CACNA1B: variants seen among roughly 807,000 people sequenced by gnomAD.
CACNA1B encodes voltage-dependent N-type calcium channel subunit alpha-1B.
A neutral mutation model predicts 247.2 loss-of-function variants in CACNA1B; 70 were observed. The observed-to-expected ratio is 0.28, with a 90% CI of 0.23 to 0.35. The LOEUF (loss-of-function observed/expected upper bound fraction) is 0.35, where lower values mean the gene tolerates loss of function less well. CACNA1B is among the 10% of genes least tolerant of loss of function. The probability of loss-of-function intolerance (pLI) is 1.00; values close to 1 mark genes in which losing one functional copy is unlikely to be tolerated. For synonymous variants in CACNA1B, 1,231 were observed against 1,294.4 expected, an observed-to-expected ratio of 0.95 and a Z score of 1.05; for missense variants, 2,367 against 3,197.4, an observed-to-expected ratio of 0.74 and a Z score of 6.26.
intron 10 of CACNA1B, among the ~76,000 whole-genome samples, chr9:137,968,666 T>A (rs1308779788): frequency 1.3e-5 from 2 of 152,264 alleles, no homozygotes; most frequent in East Asian, 3.8e-4. Flanking sequence ...TTGGTCATTT[T>A]GTGTTTTCTG....
At position 137,917,951 on chromosome 9, in the gene CACNA1B, G is replaced by GGCT. The variant is rs996146540; in HGVS notation, c.966+525_966+527dup. 1.4e-4 allele frequency among the ~76,000 whole-genome samples: 22 copies of GGCT among 152,218 alleles called. No homozygotes were observed. The highest frequency in any genetic ancestry group is 2.6e-4 in the Non-Finnish European group (18 of 68,030). On this transcript the variant is annotated intron_variant, in intron 6 of 46. Coordinates refer to ENST00000371372, the MANE Select transcript of CACNA1B (RefSeq NM_000718.4). The surrounding 1 kb of genome is among the most constrained non-coding windows in gnomAD (Gnocchi z 5.5). Reference sequence around the variant, plus strand: ...CTCTGTTGGAGTTGAGGGACAGTAGGGCTGCTGGGCCTCCCGTCCCCAGGC... The same window carrying GGCT: ...CTCTGTTGGAGTTGAGGGACAGTAGGGCTGCTGCTGGGCCTCCCGTCCCCAGGC...
rs199508812 is a variant in CACNA1B at position 138,075,913 on chromosome 9, G to A, written c.4949+3G>A. 307 of 1,597,116 alleles carry A rather than the reference G, an allele frequency of 1.9e-4. No homozygotes were observed. The highest frequency in any genetic ancestry group is 2.3e-4 in the Non-Finnish European group (265 of 1,167,318). ...CAAGCCCTGATGCTGCTGTTCAGGT[G>A]TGTTGTTCGGTCAGCCCAGGCCAAT... On this transcript the variant is annotated splice_donor_region_variant and intron_variant, in intron 35 of 46. Coordinates refer to ENST00000371372, the MANE Select transcript of CACNA1B (RefSeq NM_000718.4).
At chr9:137,904,068 C>T (rs1047305530) in intron 3 of CACNA1B, among the ~76,000 whole-genome samples, 2 of 152,156 alleles carry the variant, frequency 1.3e-5, no homozygotes, top group African/African-American at 4.8e-5. Context: ...TTTCCTTTCT[C>T]TCATTGGTTT....
At chr9:138,119,272 C>A (rs923583418) in intron 44 of CACNA1B, among the ~76,000 whole-genome samples, 2 of 152,148 alleles carry the variant, frequency 1.3e-5, no homozygotes, top group Non-Finnish European at 2.9e-5. Flanking sequence ...CTGGGACATG[C>A]ACACTGGATT....
At chr9:137,922,118 G>C (rs560436365) in intron 6 of CACNA1B, among the ~76,000 whole-genome samples, 7 of 145,548 alleles carry the variant, frequency 4.8e-5, no homozygotes, top group Non-Finnish European at 1.0e-4. Flanking sequence ...CGATCACACA[G>C]CATCCTGGGA....
At chr9:137,997,902 A>T (rs770138675) in intron 15 of CACNA1B, among the ~76,000 whole-genome samples, 1 of 152,230 alleles carries the variant, frequency 6.6e-6, no homozygotes, top group Non-Finnish European at 1.5e-5. Flanking sequence ...CCATCAGGGA[A>T]ATGGATAAGA....
rs1195013957 is a variant in CACNA1B, at chr9:138,007,242, T to G, written c.2092+358T>G. Among the ~76,000 whole-genome samples the G allele has an allele frequency of 6.6e-6, 1 of 152,220 alleles. No homozygotes were observed. Among genetic ancestry groups the G allele is most frequent in the Non-Finnish European group, 1.5e-5 (1 of 68,036 alleles). On this transcript the variant is annotated intron_variant, in intron 16 of 46. Coordinates refer to ENST00000371372, the MANE Select transcript of CACNA1B (RefSeq NM_000718.4). This position sits in a 1 kb window ranked among gnomAD's most constrained non-coding sequence, Gnocchi z 4.1. ...TAATTGTGTACTTAGGTTTTGGCAC[T>G]GGGCTTTAAAAAGGAGCCCTTCCCC...
rs552710368 is a variant in CACNA1B at position 137,954,874 on chromosome 9, G to A, written c.1071-824G>A. 2.3e-4 allele frequency among the ~76,000 whole-genome samples: 35 copies of A among 151,164 alleles called. 1 individual carries two copies. Among genetic ancestry groups the A allele is most frequent in the South Asian group, 1.5e-3 (7 of 4,716 alleles). ...CAGAAGCTTGTGTGTGTGTGTGTGT[G>A]TGTGTGAGAGAGAGAGAGAGAGAGA... On this transcript the variant is annotated intron_variant, in intron 7 of 46. Coordinates refer to ENST00000371372, the MANE Select transcript of CACNA1B (RefSeq NM_000718.4). The surrounding 1 kb of genome is among the most constrained non-coding windows in gnomAD (Gnocchi z 4.1).
At chr9:138,089,153 CCAGAGAAGGA>C (rs1960800016) in intron 36 of CACNA1B, among the ~76,000 whole-genome samples, 1 of 151,734 alleles carries the variant, frequency 6.6e-6, no homozygotes, top group Admixed American at 6.6e-5. Context: ...AATATAAAAA[CCAGAGAAGGA>C]CACAGCAGAA....
intron 3 of CACNA1B, among the ~76,000 whole-genome samples, chr9:137,905,125 C>A (rs907229298): frequency 2.6e-5 from 4 of 152,004 alleles, no homozygotes; most frequent in African/African-American, 9.7e-5. Context: ...GAGGCCGAGG[C>A]GGGTGGATCA....
In CACNA1B at chr9:137,917,171, G is replaced by T. The variant is rs572647636; in HGVS notation, c.776-70G>T. Reference sequence around the variant, plus strand: ...CCTGCTGTGAGCTCTCCAGAGCCCAGGAATCCTGGTGGGGATTGGAGAGCT... The same window carrying T: ...CCTGCTGTGAGCTCTCCAGAGCCCATGAATCCTGGTGGGGATTGGAGAGCT... On this transcript the variant is annotated intron_variant, in intron 5 of 46. Transcript: ENST00000371372. This position sits in a 1 kb window ranked among gnomAD's most constrained non-coding sequence, Gnocchi z 5.5. 1 of 1,448,530 alleles carries T rather than the reference G, an allele frequency of 6.9e-7. No homozygotes were observed. The highest frequency in any genetic ancestry group is 9.5e-7 in the Non-Finnish European group (1 of 1,057,306). The allele number at this position is 1,448,530 out of a possible 1,614,324, so 89.7% of individuals were successfully genotyped here.
In CACNA1B at chr9:137,986,859, G is replaced by A. The variant is rs1353189727; in HGVS notation, c.1974+5G>A. On this transcript the variant is annotated splice_donor_5th_base_variant and intron_variant, in intron 15 of 46. Coordinates refer to ENST00000371372, the MANE Select transcript of CACNA1B (RefSeq NM_000718.4). This position sits in a 1 kb window ranked among gnomAD's most constrained non-coding sequence, Gnocchi z 6.0. ...GCCATCCTCACTGTCTTCCAGGTAA[G>A]GCACCTGCTCTGCACATTTGCGGCC... The A allele has an allele frequency of 1.2e-6, 2 of 1,612,166 alleles. No individual in the cohort carries two copies. Among genetic ancestry groups the A allele is most frequent in the Non-Finnish European group, 1.7e-6 (2 of 1,178,382 alleles).
Position 138,102,848 on chromosome 9 carries a change from T to TGTGCTTGCTGAGGG in CACNA1B, c.5319+52_5319+65dup. ...GCAACCCGCCCCCCAGGAGGCTGTG[T>TGTGCTTGCTGAGGG]GTGCTTGCTGAGGGGTGCTTGCTGG... On this transcript the variant is annotated intron_variant, in intron 38 of 46. Transcript: ENST00000371372. This position sits in a 1 kb window ranked among gnomAD's most constrained non-coding sequence, Gnocchi z 5.4. 1 of 1,323,370 alleles carries TGTGCTTGCTGAGGG rather than the reference T, an allele frequency of 7.6e-7. No homozygotes were observed. The highest frequency in any genetic ancestry group is 1.9e-4 in the Middle Eastern group (1 of 5,298). 82.0% of individuals were successfully genotyped at this position (1,323,370 alleles called of 1,614,324 possible). A position where few individuals can be genotyped will look rare whatever the true frequency, so the allele number is the denominator to read the frequency against.
In CACNA1B at chr9:137,919,585, G is replaced by A. The variant is rs897984245; in HGVS notation, c.966+2154G>A. Among the ~76,000 whole-genome samples the A allele has an allele frequency of 6.6e-6, 1 of 152,258 alleles. No individual in the cohort carries two copies. Among genetic ancestry groups the A allele is most frequent in the East Asian group, 1.9e-4 (1 of 5,194 alleles). On this transcript the variant is annotated intron_variant, in intron 6 of 46. Coordinates refer to ENST00000371372, the MANE Select transcript of CACNA1B (RefSeq NM_000718.4). The surrounding 1 kb of genome is among the most constrained non-coding windows in gnomAD (Gnocchi z 4.6). ...TTTTGAAGAGGATCCTTTGGAGAGA[G>A]CGAGAGCCCGCCCCTCACCTCCAAC... is the stretch of plus-strand genomic sequence containing the variant.
chr9:137,956,728 G>C (rs1487331993), intron 8 of CACNA1B, 43 bp from the exon 9 acceptor site: 1 of 1,574,000 alleles, frequency 6.4e-7, no homozygotes. Context: ...GGGCATTCCT[G>C]GGGTCAGGAG....
At chr9:137,984,304 G>T in intron 13 of CACNA1B, 54 bp downstream of exon 13, 1 of 1,271,392 alleles carries the variant, frequency 7.9e-7, no homozygotes, top group Non-Finnish European at 1.1e-6. Context: ...GAGGGCGTGG[G>T]ATCAGCCACA....
chr9:137,940,082 A>G, intron 6 of CACNA1B, among the ~76,000 whole-genome samples: 1 of 152,096 alleles, frequency 6.6e-6, no homozygotes, highest in East Asian at 1.9e-4. Context: ...TCAGAGCAGA[A>G]CTAAATGAAA....
Position 138,058,464 on chromosome 9 carries a change from T to G in CACNA1B, c.4309-105T>G. The G allele has an allele frequency of 1.8e-6, 2 of 1,106,432 alleles. No homozygotes were observed. Among genetic ancestry groups the G allele is most frequent in the Non-Finnish European group, 2.6e-6 (2 of 770,158 alleles). 68.5% of individuals were successfully genotyped at this position (1,106,432 alleles called of 1,614,324 possible). On this transcript the variant is annotated intron_variant, in intron 28 of 46. Transcript: ENST00000371372. The surrounding 1 kb of genome is among the most constrained non-coding windows in gnomAD (Gnocchi z 4.7). ...TGGGCTGCTTCAATTTGTCTTCTGT[T>G]GTCAGGGCTCCCTGTGAGGCCTGGC... is the stretch of plus-strand genomic sequence containing the variant.
chr9:138,053,710 G>T, intron 25 of CACNA1B, 136 bp from the exon 26 acceptor site: 2 of 653,394 alleles, frequency 3.1e-6, no homozygotes, highest in East Asian at 2.7e-5. Context: ...TTCCCTTACG[G>T]CCATGCCCTC....
Sources: gnomAD v4.1 joint callset for allele counts (sites outside exome capture counted in the v4.1 genomes callset) on GRCh38, gnomAD v4.1.1 for gene constraint, Gnocchi (gnomAD v3.1) non-coding constraint, MANE v1.5 for transcripts, NCBI Gene and HGNC (gene_info 2026-07-23, HGNC 2026-07-21) for gene names.